Variants in RABGAP1L observed in about 807,000 individuals in gnomAD.
The protein encoded by RABGAP1L is rab GTPase-activating protein 1-like.
RABGAP1L carries 63 observed loss-of-function variants against 137.7 expected under a neutral mutation model. The observed-to-expected ratio is 0.46, with a 90% CI of 0.37 to 0.56. RABGAP1L has a LOEUF of 0.56. Among genes scored for constraint, RABGAP1L ranks in the 20% least tolerant of loss-of-function variants. The pLI, the probability that RABGAP1L is intolerant of heterozygous loss-of-function variation, is 0.00. For missense variants in RABGAP1L, 1,095 were observed against 1,244.0 expected, an observed-to-expected ratio of 0.88 and a Z score of 1.80; for synonymous variants, 431 against 433.7, an observed-to-expected ratio of 0.99 and a Z score of 0.08.
At chr1:174,656,186 G>A (rs1675957104) in intron 14 of RABGAP1L, among the ~76,000 whole-genome samples, 1 of 152,172 alleles carries the variant, frequency 6.6e-6, no homozygotes, top group African/African-American at 2.4e-5. Context: ...GCTGGGCATA[G>A]TGGCTTACGC....
Position 174,250,736 on chromosome 1 carries a change from C to T in RABGAP1L, c.875+104C>T, listed in dbSNP as rs977283230. 1.1e-5 allele frequency: 11 copies of T among 969,220 alleles called. No homozygotes were observed. In the Admixed American group the frequency reaches 2.0e-4, roughly 17 times the overall value. 60.0% of individuals were successfully genotyped at this position (969,220 alleles called of 1,614,324 possible). A position where few individuals can be genotyped will look rare whatever the true frequency, so the allele number is the denominator to read the frequency against. ...TACAGTGTTGGCATAAAGCCTCAAA[C>T]TGATAAATATTTGGCTGGTGAATTA... On this transcript the variant is annotated intron_variant, in intron 6 of 25. Coordinates refer to ENST00000681986, the MANE Select transcript of RABGAP1L (RefSeq NM_001366446.1).
intron 17 of RABGAP1L, among the ~76,000 whole-genome samples, chr1:174,732,969 G>GT (rs1365911828): frequency 1.3e-5 from 2 of 148,188 alleles, no homozygotes; most frequent in Non-Finnish European, 3.0e-5. Flanking sequence ...TTTTCTAAGT[G>GT]TTTTTTTATA....
At chr1:174,388,226 TACTC>T (rs1011055101) in intron 12 of RABGAP1L, among the ~76,000 whole-genome samples, 3 of 152,106 alleles carry the variant, frequency 2.0e-5, no homozygotes, top group African/African-American at 7.2e-5. Context: ...ATTTTGAACT[TACTC>T]TTAAATAGCT....
chr1:174,849,048 C>G (rs947077273), intron 19 of RABGAP1L, among the ~76,000 whole-genome samples: 1 of 152,216 alleles, frequency 6.6e-6, no homozygotes, highest in Admixed American at 6.5e-5. Context: ...TGACCCCTTG[C>G]GCTTCCCAGG....
intron 19 of RABGAP1L, chr1:174,849,718 A>T: frequency 2.2e-6 from 1 of 449,862 alleles, no homozygotes; most frequent in Non-Finnish European, 4.4e-6. Context: ...TCGACTTCTG[A>T]ATTCGCATCT....
chr1:174,699,289 C>T (rs1679479734), intron 15 of RABGAP1L, among the ~76,000 whole-genome samples: 1 of 151,918 alleles, frequency 6.6e-6, no homozygotes, highest in South Asian at 2.1e-4. Flanking sequence ...GAGTGTATTG[C>T]CTGTTTTTAA....
At chr1:174,626,993 T>C (rs1341636785) in intron 13 of RABGAP1L, among the ~76,000 whole-genome samples, 1 of 152,202 alleles carries the variant, frequency 6.6e-6, no homozygotes, top group African/African-American at 2.4e-5. Flanking sequence ...TTTATCTGCC[T>C]ACTGATTGTG....
intron 13 of RABGAP1L, among the ~76,000 whole-genome samples, chr1:174,631,360 G>A (rs1673364132): frequency 7.2e-6 from 1 of 139,328 alleles, no homozygotes; most frequent in East Asian, 1.9e-4. Context: ...TGAAAAAAAT[G>A]TATATTCTGT....
intron 17 of RABGAP1L, among the ~76,000 whole-genome samples, chr1:174,727,543 G>T (rs1277918528): frequency 6.6e-6 from 1 of 152,162 alleles, no homozygotes; most frequent in East Asian, 1.9e-4. Context: ...GGAGATGGAT[G>T]GGAAGAGGAT....
chr1:174,776,584 TG>T (rs1384239946), intron 18 of RABGAP1L, among the ~76,000 whole-genome samples: 2 of 152,336 alleles, frequency 1.3e-5, no homozygotes, highest in East Asian at 3.9e-4. Flanking sequence ...GTGGTCTTTT[TG>T]CTTGCATTCA....
chr1:174,281,033 C>T (rs950868733), intron 10 of RABGAP1L, among the ~76,000 whole-genome samples: 4 of 152,036 alleles, frequency 2.6e-5, no homozygotes, highest in South Asian at 2.1e-4. Flanking sequence ...TTGATCCTCC[C>T]GGTGGGTTCG....
At chr1:174,464,103 ATATTT>A (rs1282085788) in intron 13 of RABGAP1L, among the ~76,000 whole-genome samples, 1 of 152,186 alleles carries the variant, frequency 6.6e-6, no homozygotes, top group African/African-American at 2.4e-5. Flanking sequence ...AAATATGGAA[ATATTT>A]TAATACAGAT....
intron 19 of RABGAP1L, among the ~76,000 whole-genome samples, chr1:174,820,772 C>G (rs1412924488): frequency 2.0e-5 from 3 of 152,054 alleles, no homozygotes; most frequent in Non-Finnish European, 4.4e-5. Flanking sequence ...ATCTTAGCAC[C>G]TTGGGAGGCT....
At chr1:174,584,781 C>A (rs1383931861) in intron 13 of RABGAP1L, among the ~76,000 whole-genome samples, 1 of 151,700 alleles carries the variant, frequency 6.6e-6, no homozygotes, top group Non-Finnish European at 1.5e-5. Flanking sequence ...AACTTCTTTT[C>A]TATCATTTTC....
At position 174,770,779 on chromosome 1, in the gene RABGAP1L, G is replaced by C. The variant is rs551241814; in HGVS notation, c.2211+18425G>C. Among the ~76,000 whole-genome samples, 95 of 152,262 alleles carry C rather than the reference G, an allele frequency of 6.2e-4. 1 individual carries two copies. In the South Asian group the frequency reaches 0.019, roughly 31 times the overall value. On this transcript the variant is annotated intron_variant, in intron 18 of 25. Transcript: ENST00000681986. ...ATTCCAAGGCTAACTTCCTCACTAT[G>C]TCCTTGATCCCATCTTTCCTGTCTC...
intron 19 of RABGAP1L, among the ~76,000 whole-genome samples, chr1:174,836,632 T>G (rs752605902): frequency 6.6e-6 from 1 of 152,250 alleles, no homozygotes; most frequent in Non-Finnish European, 1.5e-5. Context: ...ATATCTCTGA[T>G]AGGACTTGCT....
At chr1:174,835,537 A>G (rs1300739078) in intron 19 of RABGAP1L, among the ~76,000 whole-genome samples, 2 of 152,336 alleles carry the variant, frequency 1.3e-5, no homozygotes, top group East Asian at 3.9e-4. Flanking sequence ...CAGATAAAGT[A>G]AAATATTCGG....
chr1:174,185,543 G>A (rs1049648238), intron 1 of RABGAP1L, among the ~76,000 whole-genome samples: 1 of 152,098 alleles, frequency 6.6e-6, no homozygotes, highest in Non-Finnish European at 1.5e-5. Flanking sequence ...ATTTAAAGAA[G>A]AATACAAGTA....
chr1:174,201,920 C>G (rs566959351), intron 1 of RABGAP1L, among the ~76,000 whole-genome samples: 1 of 151,004 alleles, frequency 6.6e-6, no homozygotes, highest in Admixed American at 6.6e-5. Context: ...TTTGTCCTTG[C>G]GACAGTTTGC....
Sources: gnomAD v4.1 joint callset for allele counts (sites outside exome capture counted in the v4.1 genomes callset) on GRCh38, gnomAD v4.1.1 for gene constraint, MANE v1.5 for transcripts, NCBI Gene and HGNC (gene_info 2026-07-23, HGNC 2026-07-21) for gene names.